PPP1R21: variants seen among roughly 807,000 people sequenced by gnomAD.
PPP1R21 encodes the protein KLRAQ motif containing 1.
PPP1R21 carries 85 observed loss-of-function variants against 112.8 expected under a neutral mutation model. The observed-to-expected ratio is 0.75, with a 90% confidence interval of 0.63 to 0.90. The LOEUF (loss-of-function observed/expected upper bound fraction) is 0.90, where lower values mean the gene tolerates loss of function less well. Ranked by LOEUF, PPP1R21 falls within the 40% of genes least tolerant of loss-of-function variation. The probability of loss-of-function intolerance (pLI) is 0.00; values close to 1 mark genes in which losing one functional copy is unlikely to be tolerated. For synonymous variants in PPP1R21, 381 were observed against 322.3 expected, an observed-to-expected ratio of 1.18 and a Z score of -1.95; for missense variants, 1,199 against 901.5, an observed-to-expected ratio of 1.33 and a Z score of -4.23.
intron 17 of PPP1R21, among the ~76,000 whole-genome samples, chr2:48,501,693 C>T (rs896336274): frequency 2.0e-5 from 3 of 151,994 alleles, no homozygotes; most frequent in Non-Finnish European, 4.4e-5. Flanking sequence ...GCCTGTTGTC[C>T]CAGCTACTCC....
chr2:48,486,531 T>C (rs1317503455), intron 13 of PPP1R21, 100 bp from the exon 14 acceptor site: 3 of 911,302 alleles, frequency 3.3e-6, no homozygotes, highest in Non-Finnish European at 5.1e-6. Flanking sequence ...AAATTTACTT[T>C]ATAAATTTAG....
intron 9 of PPP1R21, among the ~76,000 whole-genome samples, chr2:48,470,600 A>G (rs1440336635): frequency 6.6e-6 from 1 of 152,146 alleles, no homozygotes; most frequent in Non-Finnish European, 1.5e-5. Flanking sequence ...TATCGTATAC[A>G]TTAAAAATAA....
chr2:48,453,001 T>A (rs1667548768), intron 2 of PPP1R21, among the ~76,000 whole-genome samples: 1 of 151,208 alleles, frequency 6.6e-6, no homozygotes, highest in Non-Finnish European at 1.5e-5. Flanking sequence ...TCACCCAGGC[T>A]GGAGTGCAGT....
chr2:48,507,749 CTTTTTTTTTTTTTTTTT>C (rs34546075), intron 19 of PPP1R21, among the ~76,000 whole-genome samples: 8,106 of 43,142 alleles, frequency 0.19, 514 homozygotes, highest in Non-Finnish European at 0.24. Flanking sequence ...GAGGCTCTGC[CTTTTTTTTTTTTTTTTT>C]TTTTTTTTTT....
At chr2:48,488,956 A>C (rs939280912) in intron 14 of PPP1R21, among the ~76,000 whole-genome samples, 7 of 152,198 alleles carry the variant, frequency 4.6e-5, no homozygotes, top group African/African-American at 1.7e-4. Flanking sequence ...CACTGTGTGA[A>C]TCCATGTCAT....
rs1333951156 is a variant in PPP1R21, at chr2:48,462,374, T to C, written c.694+1142T>C. ...GATAGATGTAGAAATGTCAATAATATAAACTAGACTGTGCCATAAAGAACC... is the reference window on the plus strand; with the variant it reads ...GATAGATGTAGAAATGTCAATAATACAAACTAGACTGTGCCATAAAGAACC... On this transcript the variant is annotated intron_variant, in intron 7 of 21. Transcript: ENST00000294952. 2.0e-5 allele frequency among the ~76,000 whole-genome samples: 3 copies of C among 152,128 alleles called. No individual in the cohort carries two copies. The South Asian group carries it at 6.2e-4, about 32-fold the overall frequency.
chr2:48,441,578 TAC>T (rs1227837957), intron 1 of PPP1R21: 8 of 163,942 alleles, frequency 4.9e-5, no homozygotes, highest in Non-Finnish European at 5.4e-5. Context: ...GCTTGAGTGC[TAC>T]GGCTCTATCC....
chr2:48,509,825 A>C (rs1194999208), intron 19 of PPP1R21, among the ~76,000 whole-genome samples, 190 bp from the exon 20 acceptor site: 2 of 152,240 alleles, frequency 1.3e-5, no homozygotes, highest in African/African-American at 4.8e-5. Context: ...CTGAAATGAC[A>C]AAGCTGGGGG....
intron 13 of PPP1R21, among the ~76,000 whole-genome samples, chr2:48,480,794 A>G (rs770824281): frequency 2.2e-4 from 33 of 152,142 alleles, no homozygotes; most frequent in Non-Finnish European, 3.4e-4. Flanking sequence ...ACAATTAGTG[A>G]CCAATTACTA....
intron 2 of PPP1R21, among the ~76,000 whole-genome samples, chr2:48,452,214 T>G (rs1168561912): frequency 6.6e-6 from 1 of 152,238 alleles, no homozygotes; most frequent in Non-Finnish European, 1.5e-5. Context: ...TTTCATACCC[T>G]CCTGTTGCTG....
chr2:48,500,058 T>C (rs1479021592), intron 17 of PPP1R21, among the ~76,000 whole-genome samples: 1 of 152,202 alleles, frequency 6.6e-6, no homozygotes, highest in Non-Finnish European at 1.5e-5. Flanking sequence ...ACTGATGCTA[T>C]TGAAGAGCAA....
intron 1 of PPP1R21, among the ~76,000 whole-genome samples, chr2:48,450,369 A>G (rs530129140): frequency 1.3e-5 from 2 of 152,308 alleles, no homozygotes; most frequent in East Asian, 3.9e-4. Flanking sequence ...GTAATACATA[A>G]AAGTACTTAG....
intron 2 of PPP1R21, 162 bp from the exon 3 acceptor site, chr2:48,454,433 A>T: frequency 1.3e-6 from 1 of 753,068 alleles, no homozygotes; most frequent in Non-Finnish European, 2.1e-6. Flanking sequence ...ATCTTTTCAC[A>T]AAGTGCTAAA....
At chr2:48,471,765 C>A (rs115241532) in intron 11 of PPP1R21, among the ~76,000 whole-genome samples, 1,593 of 152,268 alleles carry the variant, frequency 0.01, 27 homozygotes, top group African/African-American at 0.037. Context: ...CTAGCCCTTA[C>A]AGAATACGTC....
chr2:48,486,323 A>G (rs1669294578), intron 13 of PPP1R21, among the ~76,000 whole-genome samples: 2 of 152,134 alleles, frequency 1.3e-5, no homozygotes, highest in South Asian at 4.1e-4. Flanking sequence ...TAACTGGTAA[A>G]TAGTGGTTTT....
At chr2:48,456,900 A>G (rs1054086222) in intron 3 of PPP1R21, among the ~76,000 whole-genome samples, 1 of 152,078 alleles carries the variant, frequency 6.6e-6, no homozygotes, top group Non-Finnish European at 1.5e-5. Flanking sequence ...AAAATACAAA[A>G]AATTAGCCCA....
intron 15 of PPP1R21, among the ~76,000 whole-genome samples, chr2:48,493,684 A>T (rs1030238316): frequency 1.3e-5 from 2 of 151,976 alleles, no homozygotes; most frequent in Admixed American, 1.3e-4. Flanking sequence ...CTAAATAATT[A>T]TTTTTTTTCA....
intron 2 of PPP1R21, among the ~76,000 whole-genome samples, chr2:48,451,701 A>G (rs1184349426): frequency 6.6e-6 from 1 of 152,224 alleles, no homozygotes; most frequent in East Asian, 1.9e-4. Flanking sequence ...AATTAAGTCT[A>G]GGATTTGGAT....
intron 4 of PPP1R21, among the ~76,000 whole-genome samples, chr2:48,458,595 T>TC (rs1288943663): frequency 6.7e-6 from 1 of 149,626 alleles, no homozygotes; most frequent in African/African-American, 2.5e-5. Flanking sequence ...TTTTTTTTTT[T>TC]AACTGATGTT....
Sources: gnomAD v4.1 joint callset for allele counts (sites outside exome capture counted in the v4.1 genomes callset) on GRCh38, gnomAD v4.1.1 for gene constraint, MANE v1.5 for transcripts, NCBI Gene and HGNC (gene_info 2026-07-23, HGNC 2026-07-21) for gene names.